The following EZH2 variants were observed in gnomAD, a reference collection of about 807,000 sequenced individuals.
EZH2 encodes the protein enhancer of zeste 2 polycomb repressive complex 2 subunit.
EZH2 carries 18 observed loss-of-function variants against 98.4 expected under a neutral mutation model. The observed-to-expected ratio is 0.18, with a 90% CI of 0.13 to 0.27. The LOEUF (loss-of-function observed/expected upper bound fraction) is 0.27, where lower values mean the gene tolerates loss of function less well. EZH2 is among the 10% of genes least tolerant of loss of function. The pLI, the probability that EZH2 is intolerant of heterozygous loss-of-function variation, is 1.00. For synonymous variants in EZH2, 338 were observed against 312.3 expected (o/e 1.08, Z -0.87); for missense variants, 470 against 935.1 (o/e 0.50, Z 6.49).
chr7:148,827,233 G>A lies in EZH2; in HGVS notation c.659C>T (p.Ser220Phe), dbSNP rs537373788. 7 of 1,613,582 alleles carry A rather than the reference G, an allele frequency of 4.3e-6. No individual in the cohort carries two copies. Among genetic ancestry groups the A allele is most frequent in the Non-Finnish European group, 5.9e-6 (7 of 1,179,846 alleles). The change falls in exon 7 of 20, where the codon TCT (serine) becomes TTT (phenylalanine). Residue 220 changes from serine to phenylalanine, a missense_variant. Physicochemically the swap from Ser to Phe is radical, Grantham distance 155. Transcript: ENST00000320356. ...KESRPPRKFP[S>F]DKIFEAISSM... ...GGAAATGGCTTCAAAAATTTTATCAGAAGGAAATTTCCGAGGTGGGCGGCT... is the reference window on the plus strand; with the variant it reads ...GGAAATGGCTTCAAAAATTTTATCAAAAGGAAATTTCCGAGGTGGGCGGCT...
At chr7:148,816,362 AAC>A (rs1268684418) in intron 12 of EZH2, among the ~76,000 whole-genome samples, 1 of 152,248 alleles carries the variant, frequency 6.6e-6, no homozygotes, top group Non-Finnish European at 1.5e-5. Context: ...AGAAACACAG[AAC>A]ATTTCATGAT....
At chr7:148,879,449 G>A (rs768395494) in intron 1 of EZH2, among the ~76,000 whole-genome samples, 2 of 151,966 alleles carry the variant, frequency 1.3e-5, no homozygotes, top group African/African-American at 2.4e-5. Context: ...CTAGTACTTT[G>A]GGAGGCCAGG....
intron 1 of EZH2, among the ~76,000 whole-genome samples, chr7:148,878,099 T>G (rs1389997246): frequency 6.6e-6 from 1 of 152,234 alleles, no homozygotes; most frequent in Admixed American, 6.5e-5. Flanking sequence ...GAGAGATATA[T>G]ATAGATACAG....
chr7:148,817,662 C>T (rs1804925957), intron 10 of EZH2: 1 of 699,248 alleles, frequency 1.4e-6, no homozygotes, highest in Middle Eastern at 3.4e-4. Context: ...AGTGCATCAT[C>T]AGCTTTCAAA....
intron 1 of EZH2, among the ~76,000 whole-genome samples, chr7:148,853,841 G>C (rs1816311079): frequency 6.6e-6 from 1 of 152,134 alleles, no homozygotes; most frequent in Admixed American, 6.5e-5. Flanking sequence ...CTGAATTAAT[G>C]GAAGATGGGC....
At chr7:148,876,286 T>C (rs898034824) in intron 1 of EZH2, 2 of 145,336 alleles carry the variant, frequency 1.4e-5, no homozygotes, top group African/African-American at 2.6e-5. Context: ...GACTCCATCT[T>C]GGAGGGAAAA....
At chr7:148,847,440 G>A in intron 1 of EZH2, 135 bp from the exon 2 acceptor site, 1 of 1,025,278 alleles carries the variant, frequency 9.8e-7, no homozygotes, top group South Asian at 1.5e-5. Flanking sequence ...ACAGAAAGGT[G>A]CTCATTTGTG....
intron 3 of EZH2, among the ~76,000 whole-genome samples, chr7:148,841,533 A>C (rs1735674334): frequency 6.6e-6 from 1 of 152,218 alleles, no homozygotes; most frequent in South Asian, 2.1e-4. Flanking sequence ...CTTAATTTAA[A>C]GACATGAGAA....
chr7:148,839,110 T>A lies in EZH2; in HGVS notation c.247-6360A>T, dbSNP rs907053370. ...GAAGGAAGGAAGGAAGGAAGGAAAG[T>A]GAGTGAGCAAGATGGCACAGGCTGT... On this transcript the variant is annotated intron_variant, in intron 3 of 19. Coordinates refer to ENST00000320356, the MANE Select transcript of EZH2 (RefSeq NM_004456.5). Among the ~76,000 whole-genome samples, 40 of 71,408 alleles carry A rather than the reference T, an allele frequency of 5.6e-4. 1 individual carries two copies. Among genetic ancestry groups the A allele is most frequent in the African/African-American group, 1.9e-3 (33 of 17,700 alleles). The allele number at this position is 71,408 out of a possible 152,430, so 46.8% of individuals were successfully genotyped here.
intron 1 of EZH2, among the ~76,000 whole-genome samples, chr7:148,882,659 A>T (rs944408059): frequency 5.9e-5 from 9 of 152,232 alleles, no homozygotes; most frequent in Non-Finnish European, 1.2e-4. Context: ...AAAAGTATAA[A>T]CTACATTCAA....
At position 148,854,390 on chromosome 7, in the gene EZH2, C is replaced by T. The variant is rs539444677; in HGVS notation, c.-7-7085G>A. On this transcript the variant is annotated intron_variant, in intron 1 of 19. Coordinates refer to ENST00000320356, the MANE Select transcript of EZH2 (RefSeq NM_004456.5). ...GGCAGAGCTTGCAGTGAGCCGAGAT[C>T]GTGCCACTGCATTCCAGCCTGGGCG... Among the ~76,000 whole-genome samples, 37 of 149,992 alleles carry T rather than the reference C, an allele frequency of 2.5e-4. No individual in the cohort carries two copies. The South Asian group carries it at 5.9e-3, about 24-fold the overall frequency.
intron 1 of EZH2, among the ~76,000 whole-genome samples, chr7:148,882,487 G>C (rs1424086456): frequency 6.6e-6 from 1 of 152,150 alleles, no homozygotes; most frequent in Non-Finnish European, 1.5e-5. Flanking sequence ...CCTAACTTTA[G>C]AGACCATGAA....
chr7:148,810,324 G>A lies in EZH2; in HGVS notation c.2029+9C>T. The A allele has an allele frequency of 1.3e-6, 2 of 1,599,998 alleles. No individual in the cohort carries two copies. Among genetic ancestry groups the A allele is most frequent in the Non-Finnish European group, 8.6e-7 (1 of 1,168,426 alleles). On this transcript the variant is annotated intron_variant, in intron 17 of 19. Transcript: ENST00000320356. ...CAGGAACTCACTGCCTCCCAGCTCT[G>A]AAACATACCATTGTTCAAGTTGAAC...
chr7:148,837,058 G>C (rs1461219304), intron 3 of EZH2: 2 of 458,164 alleles, frequency 4.4e-6, no homozygotes, highest in Non-Finnish European at 8.7e-6. Flanking sequence ...CTGTGCTAGA[G>C]ACTTTACCAA....
At chr7:148,810,677 T>C (rs1200892748) in intron 16 of EZH2, among the ~76,000 whole-genome samples, 1 of 152,052 alleles carries the variant, frequency 6.6e-6, no homozygotes, top group African/African-American at 2.4e-5. Context: ...TTTGCTGAGT[T>C]TTTTAAAAAA....
intron 3 of EZH2, among the ~76,000 whole-genome samples, chr7:148,840,686 G>C (rs894004364): frequency 2.6e-5 from 4 of 152,068 alleles, no homozygotes; most frequent in African/African-American, 4.8e-5. Flanking sequence ...AATCTGCCCA[G>C]CCTTTCCAAA....
chr7:148,855,062 A>C (rs750198175), intron 1 of EZH2, among the ~76,000 whole-genome samples: 1 of 152,254 alleles, frequency 6.6e-6, no homozygotes, highest in Admixed American at 6.5e-5. Context: ...CAGGAGAAGC[A>C]GGCACGCAGT....
intron 8 of EZH2, among the ~76,000 whole-genome samples, chr7:148,825,160 A>G (rs914416957): frequency 2.6e-5 from 4 of 152,230 alleles, no homozygotes; most frequent in African/African-American, 9.6e-5. Flanking sequence ...TGCTATAGTG[A>G]TATCTACATA....
intron 8 of EZH2, among the ~76,000 whole-genome samples, chr7:148,821,863 T>A (rs994369301): frequency 2.6e-5 from 4 of 151,842 alleles, no homozygotes; most frequent in South Asian, 2.1e-4. Context: ...TATCTCTCTC[T>A]CTAAATAAAT....
Sources: gnomAD v4.1 joint callset for allele counts (sites outside exome capture counted in the v4.1 genomes callset) on GRCh38, gnomAD v4.1.1 for gene constraint, MANE v1.5 for transcripts, NCBI Gene and HGNC (gene_info 2026-07-23, HGNC 2026-07-21) for gene names.